The following LEMD3 variants were observed in gnomAD, a reference collection of about 807,000 sequenced individuals.
The protein encoded by LEMD3 is LEM domain containing 3, also known as inner nuclear membrane protein Man1.
In LEMD3, 33 loss-of-function variants were observed where a neutral mutation model predicts 95.2. That is an observed-to-expected ratio of 0.35 (90% CI 0.26 to 0.46). The LOEUF (loss-of-function observed/expected upper bound fraction) is 0.46. Ranked by LOEUF, LEMD3 falls within the 20% of genes least tolerant of loss-of-function variation. The pLI is 1.00. For missense variants in LEMD3, 1,210 were observed against 1,192.8 expected (o/e 1.01, Z -0.21); for synonymous variants, 525 against 474.6 (o/e 1.11, Z -1.38).
chr12:65,241,754 A>G (rs1337675756), intron 9 of LEMD3, among the ~76,000 whole-genome samples: 4 of 152,226 alleles, frequency 2.6e-5, no homozygotes, highest in African/African-American at 4.8e-5. Flanking sequence ...TTTGCTAAAC[A>G]TAGTATTTGT....
chr12:65,172,074 T>C (rs1208014079), intron 1 of LEMD3, among the ~76,000 whole-genome samples: 1 of 152,210 alleles, frequency 6.6e-6, no homozygotes, highest in Non-Finnish European at 1.5e-5. Context: ...GAGCAGAGAT[T>C]AAGGCCTTGA....
chr12:65,214,189 C>T (rs2039919489), intron 2 of LEMD3, among the ~76,000 whole-genome samples: 2 of 152,050 alleles, frequency 1.3e-5, no homozygotes, highest in African/African-American at 4.8e-5. Context: ...CTCAGCCTCC[C>T]AAGTAGCTGG....
At chr12:65,185,889 A>G (rs986578456) in intron 1 of LEMD3, among the ~76,000 whole-genome samples, 4 of 151,960 alleles carry the variant, frequency 2.6e-5, no homozygotes, top group Non-Finnish European at 4.4e-5. Flanking sequence ...AGGCATTATA[A>G]AAGACTTGGG....
chr12:65,229,235 T>A (rs1236556549), intron 4 of LEMD3, among the ~76,000 whole-genome samples: 1 of 152,238 alleles, frequency 6.6e-6, no homozygotes, highest in Non-Finnish European at 1.5e-5. Context: ...TTATTCTTTA[T>A]TATGGCTGAA....
At chr12:65,213,042 T>C (rs544115902) in intron 2 of LEMD3, among the ~76,000 whole-genome samples, 3 of 152,144 alleles carry the variant, frequency 2.0e-5, no homozygotes, top group Non-Finnish European at 4.4e-5. Flanking sequence ...TGTATCATCA[T>C]GCCACTGCAC....
chr12:65,170,064 C>T lies in LEMD3; in HGVS notation c.468C>T (p.Gly156=). ...CCAGTCCCCGGGACCAGGCCGGCGG[C>T]GGCGGGAGGAAAGACCGGGCTTCGC... is the stretch of plus-strand genomic sequence containing the variant. ...VEASPRDQAG[G]GGRKDRASLQ... is the part of the protein sequence containing the mutation. The change falls in exon 1 of 13, where the codon GGC becomes GGT. Residue 156 remains glycine, a synonymous_variant. Transcript: ENST00000308330. The T allele has an allele frequency of 2.6e-6, 4 of 1,510,472 alleles. No individual in the cohort carries two copies. The highest frequency in any genetic ancestry group is 2.5e-5 in the East Asian group (1 of 40,250). The allele number at this position is 1,510,472 out of a possible 1,614,324, so 93.6% of individuals were successfully genotyped here. A position where few individuals can be genotyped will look rare whatever the true frequency, so the allele number is the denominator to read the frequency against.
Position 65,247,808 on chromosome 12 carries a change from A to G in LEMD3, c.*1483A>G, listed in dbSNP as rs900389112. On this transcript the variant is annotated 3_prime_UTR_variant, in exon 13 of 13. Coordinates refer to ENST00000308330, the MANE Select transcript of LEMD3 (RefSeq NM_014319.5). Reference sequence around the variant, plus strand: ...ACACTATTCTGTAACAGAAAGCCCTATTGTGCCTTACCTGTGTGCTTTTGT... The same window carrying G: ...ACACTATTCTGTAACAGAAAGCCCTGTTGTGCCTTACCTGTGTGCTTTTGT... The G allele has an allele frequency of 2.6e-5, 4 of 152,580 alleles. No homozygotes were observed. The highest frequency in any genetic ancestry group is 7.2e-5 in the African/African-American group (3 of 41,440). The allele number at this position is 152,580 out of a possible 1,614,324, so 9.5% of individuals were successfully genotyped here.
rs368863342 is a variant in LEMD3, at chr12:65,240,889, C to A, written c.2127-20C>A. 2.0e-5 allele frequency: 32 copies of A among 1,610,644 alleles called. No individual in the cohort carries two copies. Among genetic ancestry groups the A allele is most frequent in the Non-Finnish European group, 2.5e-5 (30 of 1,177,136 alleles). On this transcript the variant is annotated intron_variant, in intron 8 of 12. Transcript: ENST00000308330. ...ACAAGCCAAGATGATAGTAAATTTG[C>A]CATTTTGTTCACATGATAGGAAAAA...
At chr12:65,244,006 G>A (rs1037835141) in intron 10 of LEMD3, among the ~76,000 whole-genome samples, 2 of 152,150 alleles carry the variant, frequency 1.3e-5, no homozygotes, top group African/African-American at 4.8e-5. Flanking sequence ...AGTCAAAAGT[G>A]ACTGCCTTAG....
At chr12:65,212,037 G>A (rs1869953501) in intron 2 of LEMD3, among the ~76,000 whole-genome samples, 1 of 151,974 alleles carries the variant, frequency 6.6e-6, no homozygotes, top group South Asian at 2.1e-4. Flanking sequence ...AAGGAAAGAG[G>A]TTTAATTGAC....
At chr12:65,196,783 A>G (rs923150073) in intron 1 of LEMD3, among the ~76,000 whole-genome samples, 11 of 152,128 alleles carry the variant, frequency 7.2e-5, no homozygotes, top group African/African-American at 2.4e-4. Flanking sequence ...GATGAACTCA[A>G]GGGGCTCAGT....
intron 4 of LEMD3, among the ~76,000 whole-genome samples, chr12:65,224,136 T>A (rs1454359762): frequency 6.6e-6 from 1 of 152,190 alleles, no homozygotes; most frequent in East Asian, 1.9e-4. Context: ...TTAAGTGATT[T>A]ACACACCACC....
chr12:65,177,256 T>C (rs894404746), intron 1 of LEMD3, among the ~76,000 whole-genome samples: 5 of 152,098 alleles, frequency 3.3e-5, no homozygotes, highest in Admixed American at 3.3e-4. Context: ...TAGACAGTGA[T>C]AGGGTTGGAG....
intron 1 of LEMD3, among the ~76,000 whole-genome samples, chr12:65,191,562 A>T (rs908176971): frequency 2.0e-5 from 3 of 152,112 alleles, no homozygotes; most frequent in Non-Finnish European, 4.4e-5. Context: ...CTCTCTTTTT[A>T]TGAGGAGAGA....
rs11175692 is a variant in LEMD3, at chr12:65,232,066, A to T, written c.1696-6436A>T. ...CTTAGGAAATAATCCTAAAAAGGAA[A>T]TTACTTGTTCAAAGAGCATGAACTT... On this transcript the variant is annotated intron_variant, in intron 4 of 12. Coordinates refer to ENST00000308330, the MANE Select transcript of LEMD3 (RefSeq NM_014319.5). Among the ~76,000 whole-genome samples the T allele has an allele frequency of 0.015, 2,320 of 152,220 alleles. 87 individuals are homozygous for T. In the East Asian group the frequency reaches 0.17, roughly 11 times the overall value.
At chr12:65,218,411 A>G in intron 3 of LEMD3, 141 bp from the exon 4 acceptor site, 1 of 455,960 alleles carries the variant, frequency 2.2e-6, no homozygotes, top group Non-Finnish European at 3.9e-6. Flanking sequence ...TATAAATAAT[A>G]TTGTTCATGT....
intron 4 of LEMD3, among the ~76,000 whole-genome samples, chr12:65,237,257 A>G (rs1207124180): frequency 6.6e-6 from 1 of 152,170 alleles, no homozygotes; most frequent in Admixed American, 6.5e-5. Flanking sequence ...AAATCTCTTA[A>G]ATGTGTAGCT....
chr12:65,198,017 A>G lies in LEMD3; in HGVS notation c.1523-12909A>G, dbSNP rs36094715. On this transcript the variant is annotated intron_variant, in intron 1 of 12. Coordinates refer to ENST00000308330, the MANE Select transcript of LEMD3 (RefSeq NM_014319.5). ...TAGAAGACCTATTGTATTTAATTGT[A>G]TGTGAAATTTATATTTATTGCATTG... Among the ~76,000 whole-genome samples the G allele has an allele frequency of 0.015, 2,325 of 152,238 alleles. 87 individuals carry two copies. The East Asian group carries it at 0.17, about 11-fold the overall frequency.
intron 4 of LEMD3, among the ~76,000 whole-genome samples, chr12:65,221,690 A>AAAATAGCCAC (rs1870294022): frequency 6.6e-6 from 1 of 151,208 alleles, no homozygotes; most frequent in Non-Finnish European, 1.5e-5. Context: ...AGAGATGGGA[A>AAAATAGCCAC]AAATAGCCAC....
Sources: gnomAD v4.1 joint callset for allele counts (sites outside exome capture counted in the v4.1 genomes callset) on GRCh38, gnomAD v4.1.1 for gene constraint, MANE v1.5 for transcripts, NCBI Gene and HGNC (gene_info 2026-07-23, HGNC 2026-07-21) for gene names.